DACH2: variants seen among roughly 807,000 people sequenced by gnomAD.
DACH2 encodes the protein dachshund family transcription factor 2, also known as dachshund homolog 2.
Under a neutral mutation model 35.8 loss-of-function variants are expected in DACH2, and 17 were observed. That is an observed-to-expected ratio of 0.48 (90% confidence interval 0.33 to 0.71). The LOEUF (loss-of-function observed/expected upper bound fraction) is 0.71. Among genes scored for constraint, DACH2 ranks in the 30% least tolerant of loss-of-function variants. The probability of loss-of-function intolerance (pLI) is 0.02; values close to 1 mark genes in which losing one functional copy is unlikely to be tolerated. For missense variants in DACH2, 469 were observed against 472.7 expected, an observed-to-expected ratio of 0.99 and a Z score of 0.07; for synonymous variants, 195 against 177.3, an observed-to-expected ratio of 1.10 and a Z score of -0.79.
At chrX:86,442,837 AC>A (rs200542863) in intron 2 of DACH2, among the ~76,000 whole-genome samples, 6,982 of 111,349 alleles carry the variant, frequency 0.063, 569 homozygotes, top group African/African-American at 0.22. Context: ...TGTCCTTGCC[AC>A]CTTTGTGAAG....
At chrX:86,562,437 G>A (rs1270866086) in intron 3 of DACH2, among the ~76,000 whole-genome samples, 1 of 110,964 alleles carries the variant, frequency 9.0e-6, no homozygotes, top group African/African-American at 3.3e-5. Context: ...AGAAGGATTA[G>A]GAAAGTTTGG....
intron 1 of DACH2, among the ~76,000 whole-genome samples, chrX:86,302,817 G>T (rs2034599759): frequency 9.1e-6 from 1 of 110,135 alleles, no homozygotes; most frequent in African/African-American, 3.3e-5. Context: ...GGAGCCTAAA[G>T]ATTCTTAGGA....
intron 1 of DACH2, among the ~76,000 whole-genome samples, chrX:86,330,851 G>A: frequency 9.0e-6 from 1 of 111,390 alleles, no homozygotes; most frequent in Admixed American, 9.6e-5. Flanking sequence ...CCATGAGGTG[G>A]ATAATTTAGA....
chrX:86,779,597 A>G (rs1015973392), intron 7 of DACH2, among the ~76,000 whole-genome samples: 1 of 111,398 alleles, frequency 9.0e-6, no homozygotes, highest in Non-Finnish European at 1.9e-5. Flanking sequence ...ACTGGAGGGG[A>G]GCAGAAACTG....
chrX:86,337,322 A>G (rs1484001583), intron 1 of DACH2, among the ~76,000 whole-genome samples: 1 of 112,332 alleles, frequency 8.9e-6, no homozygotes, highest in Non-Finnish European at 1.9e-5. Flanking sequence ...AAGAGCAGCC[A>G]GTGAGAAAGG....
At chrX:86,673,302 A>C (rs1035910358) in intron 4 of DACH2, among the ~76,000 whole-genome samples, 13 of 93,593 alleles carry the variant, frequency 1.4e-4, no homozygotes, top group Non-Finnish European at 2.7e-4. Context: ...ATGCCACTGC[A>C]TTCCAGTCTG....
intron 4 of DACH2, among the ~76,000 whole-genome samples, chrX:86,667,397 AAAG>A (rs1345257582): frequency 2.0e-5 from 2 of 99,226 alleles, no homozygotes; most frequent in Admixed American, 1.1e-4. Flanking sequence ...AGGAAGGAAA[AAAG>A]AAAAGAAGAG....
intron 2 of DACH2, among the ~76,000 whole-genome samples, chrX:86,462,684 G>A (rs1455647858): frequency 9.0e-6 from 1 of 111,473 alleles, no homozygotes; most frequent in African/African-American, 3.3e-5. Context: ...TTCAGAGCAG[G>A]TAGGAATGCT....
chrX:86,405,992 A>G (rs1050109615), intron 2 of DACH2, among the ~76,000 whole-genome samples: 3 of 111,215 alleles, frequency 2.7e-5, no homozygotes, highest in Admixed American at 9.5e-5. Context: ...CTCACTTACT[A>G]TCATGAGAAG....
At chrX:86,594,953 G>A (rs950497938) in intron 3 of DACH2, among the ~76,000 whole-genome samples, 6 of 111,307 alleles carry the variant, frequency 5.4e-5, no homozygotes, top group African/African-American at 1.6e-4. Flanking sequence ...ATCTTGTGCT[G>A]TGTTGTTAGG....
intron 2 of DACH2, among the ~76,000 whole-genome samples, chrX:86,453,263 G>A (rs2037414082): frequency 8.9e-6 from 1 of 112,033 alleles, no homozygotes; most frequent in African/African-American, 3.2e-5. Flanking sequence ...TAAGTGCCAT[G>A]AGGCAATTAG....
At chrX:86,393,425 C>T (rs1023643926) in intron 2 of DACH2, among the ~76,000 whole-genome samples, 13 of 112,050 alleles carry the variant, frequency 1.2e-4, no homozygotes, top group African/African-American at 2.6e-4. Flanking sequence ...TGCATGTTAA[C>T]GCAATACATA....
intron 1 of DACH2, among the ~76,000 whole-genome samples, chrX:86,231,376 G>T (rs1369372080): frequency 2.7e-5 from 3 of 111,221 alleles, no homozygotes; most frequent in Non-Finnish European, 5.7e-5. Context: ...ACCAGAGTGG[G>T]TAGGGAAGGA....
chrX:86,379,201 A>G (rs757740035), intron 2 of DACH2, among the ~76,000 whole-genome samples: 1 of 111,719 alleles, frequency 9.0e-6, no homozygotes, highest in African/African-American at 3.2e-5. Context: ...CTTTATTTTT[A>G]CAAATGGTTA....
intron 2 of DACH2, among the ~76,000 whole-genome samples, chrX:86,445,922 C>G (rs747715844): frequency 9.0e-6 from 1 of 111,292 alleles, no homozygotes; most frequent in African/African-American, 3.3e-5. Flanking sequence ...TCTGTGTGGA[C>G]GATCAGTCAG....
chrX:86,426,540 G>A (rs1178955722), intron 2 of DACH2, among the ~76,000 whole-genome samples: 2 of 111,723 alleles, frequency 1.8e-5, no homozygotes, highest in African/African-American at 6.5e-5. Context: ...AAACAATTTT[G>A]CTAAACTTAT....
chrX:86,242,681 T>C (rs2033191449), intron 1 of DACH2, among the ~76,000 whole-genome samples: 1 of 111,407 alleles, frequency 9.0e-6, no homozygotes, highest in Non-Finnish European at 1.9e-5. Context: ...GATCTGGCTC[T>C]GTGTCCCCTC....
chrX:86,280,999 A>T (rs1350050664), intron 1 of DACH2, among the ~76,000 whole-genome samples: 2 of 111,537 alleles, frequency 1.8e-5, no homozygotes, highest in African/African-American at 3.3e-5. Flanking sequence ...CACAATAATA[A>T]TGGAAGACTT....
At chrX:86,696,453 G>A (rs951499812) in intron 5 of DACH2, among the ~76,000 whole-genome samples, 5 of 112,200 alleles carry the variant, frequency 4.5e-5, no homozygotes, top group Non-Finnish European at 9.4e-5. Flanking sequence ...ACTGATTAAA[G>A]TAGATTCAGG....
Sources: gnomAD v4.1 joint callset for allele counts (sites outside exome capture counted in the v4.1 genomes callset) on GRCh38, gnomAD v4.1.1 for gene constraint, MANE v1.5 for transcripts, NCBI Gene and HGNC (gene_info 2026-07-23, HGNC 2026-07-21) for gene names.